Variants in ACOX3 observed in about 807,000 individuals in gnomAD.
ACOX3 encodes the protein peroxisomal acyl-coenzyme A oxidase 3.
ACOX3 carries 73 observed loss-of-function variants against 81.5 expected under a neutral mutation model. That is an observed-to-expected ratio of 0.90 (90% CI 0.74 to 1.09). The LOEUF (loss-of-function observed/expected upper bound fraction) is 1.09. ACOX3 is among the 50% of genes least tolerant of loss of function. ACOX3 has a pLI of 0.00. For synonymous variants in ACOX3, 387 were observed against 375.1 expected (o/e 1.03, Z -0.37); for missense variants, 947 against 928.0 (o/e 1.02, Z -0.27).
chr4:8,431,462 C>T lies in ACOX3; in HGVS notation c.-15+9186G>A, dbSNP rs1723948811. Among the ~76,000 whole-genome samples, 1 of 152,220 alleles carries T rather than the reference C, an allele frequency of 6.6e-6. No individual in the cohort carries two copies. The highest frequency in any genetic ancestry group is 1.5e-5 in the Non-Finnish European group (1 of 68,044). ...CCTGCATCTGACAGGGAACACGGGC[C>T]TCTCTGTGAGTCAGGGTGGTGGGGA... is the stretch of plus-strand genomic sequence containing the variant. On this transcript the variant is annotated intron_variant, in intron 1 of 17. Coordinates refer to ENST00000356406, the MANE Select transcript of ACOX3 (RefSeq NM_003501.3). This position sits in a 1 kb window ranked among gnomAD's most constrained non-coding sequence, Gnocchi z 5.3.
intron 17 of ACOX3, among the ~76,000 whole-genome samples, chr4:8,367,354 A>T (rs1184846074): frequency 6.6e-6 from 1 of 152,038 alleles, no homozygotes; most frequent in Non-Finnish European, 1.5e-5. Context: ...GTGGTGGTGC[A>T]TGCCTGTAAT....
At position 8,406,393 on chromosome 4, in the gene ACOX3, C is replaced by T. The variant is rs543418531; in HGVS notation, c.688-350G>A. ...GTGGAGACGGAGGCACAGAGTACAG[C>T]GCTGGGGCTGTAGGGATCAGCCCCA... On this transcript the variant is annotated intron_variant, in intron 6 of 17. Coordinates refer to ENST00000356406, the MANE Select transcript of ACOX3 (RefSeq NM_003501.3). This position sits in a 1 kb window ranked among gnomAD's most constrained non-coding sequence, Gnocchi z 5.6. Among the ~76,000 whole-genome samples the T allele has an allele frequency of 8.5e-5, 13 of 152,196 alleles. No individual in the cohort carries two copies. The highest frequency in any genetic ancestry group is 7.2e-4 in the Admixed American group (11 of 15,292).
intron 16 of ACOX3, among the ~76,000 whole-genome samples, chr4:8,373,285 T>C (rs3756188): frequency 0.57 from 86,837 of 151,686 alleles, 25,047 homozygotes; most frequent in Middle Eastern, 0.68. Context: ...TACTAAACAC[T>C]GAACACACGT....
At chr4:8,408,633 G>A (rs1379024381) in intron 6 of ACOX3, among the ~76,000 whole-genome samples, 1 of 152,152 alleles carries the variant, frequency 6.6e-6, no homozygotes, top group Admixed American at 6.5e-5. Context: ...AGGCACACTG[G>A]CCTCAGGTAA....
rs974096516 is a variant in ACOX3 at position 8,382,312 on chromosome 4, C to A, written c.1538-705G>T. ...TGGTGCCCACATCTGCGGGGCCCCC[C>A]ACAGCACAGCCAGAGCTGGCCTCCC... On this transcript the variant is annotated intron_variant, in intron 13 of 17. Coordinates refer to ENST00000356406, the MANE Select transcript of ACOX3 (RefSeq NM_003501.3). This position sits in a 1 kb window ranked among gnomAD's most constrained non-coding sequence, Gnocchi z 4.1. Among the ~76,000 whole-genome samples, 2 of 152,222 alleles carry A rather than the reference C, an allele frequency of 1.3e-5. No individual in the cohort carries two copies. Among genetic ancestry groups the A allele is most frequent in the Non-Finnish European group, 2.9e-5 (2 of 68,026 alleles).
rs760280739 is a variant in ACOX3 at position 8,392,392 on chromosome 4, G to C, written c.1241C>G (p.Thr414Ser). 6.2e-7 allele frequency: 1 copy of C among 1,609,410 alleles called. No individual in the cohort carries two copies. The highest frequency in any genetic ancestry group is 2.2e-5 in the East Asian group (1 of 44,488). Residue 414 changes from threonine (T) to serine (S), a missense_variant, in exon 11 of 18, where the codon ACC becomes AGC. Physicochemically the swap from Thr to Ser is moderately conservative, Grantham distance 58. Coordinates refer to ENST00000356406, the MANE Select transcript of ACOX3 (RefSeq NM_003501.3). ...GCATTCCTGAATTCCTTGCTGGGTG[G>C]TCCACGAGGCCAGGGGCTTGCTGGC... Reference protein sequence around the residue: ...ASASKPLASWTTQQGIQECRE... With the variant: ...ASASKPLASWSTQQGIQECRE...
chr4:8,404,989 G>T (rs1362027398), intron 7 of ACOX3, among the ~76,000 whole-genome samples: 1 of 152,116 alleles, frequency 6.6e-6, no homozygotes, highest in Non-Finnish European at 1.5e-5. Flanking sequence ...ATGGGCCAGT[G>T]GCCAGGAAGT....
At chr4:8,397,630 C>T (rs1000356628) in intron 8 of ACOX3, among the ~76,000 whole-genome samples, 2 of 152,214 alleles carry the variant, frequency 1.3e-5, no homozygotes, top group Non-Finnish European at 2.9e-5. Flanking sequence ...ACTATCTCCT[C>T]GCACGCATCA....
chr4:8,358,924 A>T, the ACOX3 span, among the ~76,000 whole-genome samples: 4 of 151,958 alleles, frequency 2.6e-5, no homozygotes, highest in Non-Finnish European at 5.9e-5. Flanking sequence ...CTTTCACTTC[A>T]TGAACTTGCA....
chr4:8,415,612 T>A (rs1329070434), intron 3 of ACOX3, among the ~76,000 whole-genome samples, 154 bp downstream of exon 3: 1 of 152,116 alleles, frequency 6.6e-6, no homozygotes, highest in Non-Finnish European at 1.5e-5. Flanking sequence ...GAAATTTTTT[T>A]AAAAACATTA....
chr4:8,414,778 T>C lies in ACOX3; in HGVS notation c.453+76A>G, dbSNP rs957934663. The stretch of plus-strand genomic sequence containing the variant: ...GCCCCCTGGGCACCCCCTTCTACAA[T>C]CTTCTCTTTTCACAAATCTCTACAG... On this transcript the variant is annotated intron_variant, in intron 4 of 17. Transcript: ENST00000356406. This position sits in a 1 kb window ranked among gnomAD's most constrained non-coding sequence, Gnocchi z 6.1. 6.8e-7 allele frequency: 1 copy of C among 1,481,030 alleles called. No individual in the cohort carries two copies. Among genetic ancestry groups the C allele is most frequent in the Non-Finnish European group, 9.4e-7 (1 of 1,059,802 alleles). 91.7% of individuals were successfully genotyped at this position (1,481,030 alleles called of 1,614,324 possible).
intron 9 of ACOX3, among the ~76,000 whole-genome samples, chr4:8,396,635 C>T (rs912037586): frequency 6.6e-6 from 1 of 150,508 alleles, no homozygotes; most frequent in Non-Finnish European, 1.5e-5. Context: ...CAAGATCATG[C>T]CCACTGCACT....
rs575538158 is a variant in ACOX3 at position 8,391,983 on chromosome 4, CTA to C, written c.1300+348_1300+349del. On this transcript the variant is annotated intron_variant, in intron 11 of 17. Transcript: ENST00000356406. ...AATGAGCAGATCAGCTGCTCTCTGCCTATATTTTGGCCAAGAAGCATCAGGCA... is the reference window on the plus strand; with the variant it reads ...AATGAGCAGATCAGCTGCTCTCTGCCTATTTTGGCCAAGAAGCATCAGGCA... Among the ~76,000 whole-genome samples the C allele has an allele frequency of 2.6e-3, 391 of 152,352 alleles. 2 individuals carry two copies. Among genetic ancestry groups the C allele is most frequent in the Non-Finnish European group, 4.1e-3 (279 of 68,036 alleles).
At chr4:8,361,455 A>AAAAAG (rs1715233374), downstream of ACOX3, among the ~76,000 whole-genome samples, 1 of 150,228 alleles carries the variant, frequency 6.7e-6, no homozygotes, top group Non-Finnish European at 1.5e-5. Context: ...AAAAAAAAAA[A>AAAAAG]AAGGATTGTT....
At chr4:8,440,416 C>A (rs750249080) in intron 1 of ACOX3, among the ~76,000 whole-genome samples, 1 of 152,236 alleles carries the variant, frequency 6.6e-6, no homozygotes, top group Admixed American at 6.5e-5. Flanking sequence ...TAGGAAGGCA[C>A]TGGCTGTAAT....
chr4:8,364,604 G>T (rs1715316382), downstream of ACOX3, among the ~76,000 whole-genome samples: 1 of 152,072 alleles, frequency 6.6e-6, no homozygotes, highest in Admixed American at 6.5e-5. This position sits in a 1 kb window ranked among gnomAD's most constrained non-coding sequence, Gnocchi z 5.0. Context: ...TCCTGCACGA[G>T]AACCTGTCGT....
At position 8,414,312 on chromosome 4, in the gene ACOX3, G is replaced by A; in HGVS notation, c.523C>T (p.His175Tyr). 6.2e-7 allele frequency: 1 copy of A among 1,614,004 alleles called. No homozygotes were observed. The highest frequency in any genetic ancestry group is 8.5e-7 in the Non-Finnish European group (1 of 1,179,916). ...SNTKAIRTTAHYDPATEEFII... is the reference protein window; with the variant it reads ...SNTKAIRTTAYYDPATEEFII... ...CCTACCTCAGTGGCAGGATCGTAGT[G>A]GGCAGTTGTGCGAATGGCCTTGGTA... Residue 175 changes from histidine (H) to tyrosine (Y), a missense_variant, in exon 5 of 18, where the codon CAC (histidine) becomes TAC (tyrosine). Physicochemically the swap from His to Tyr is moderately conservative, Grantham distance 83 (BLOSUM62 2). Coordinates refer to ENST00000356406, the MANE Select transcript of ACOX3 (RefSeq NM_003501.3). This position sits in a 1 kb window ranked among gnomAD's most constrained non-coding sequence, Gnocchi z 6.1.
Position 8,432,326 on chromosome 4 carries a change from C to T in ACOX3, c.-15+8322G>A, listed in dbSNP as rs747922176. ...TCGGCTCACTGCAAGCTCTGCCTCC[C>T]GGGTTCAAGCCATTCTCCTGCCTTA... On this transcript the variant is annotated intron_variant, in intron 1 of 17. Transcript: ENST00000356406. The surrounding 1 kb of genome is among the most constrained non-coding windows in gnomAD (Gnocchi z 6.2). Among the ~76,000 whole-genome samples the T allele has an allele frequency of 4.1e-4, 63 of 152,134 alleles. No homozygotes were observed. The highest frequency in any genetic ancestry group is 1.9e-3 in the South Asian group (9 of 4,804).
intron 1 of ACOX3, among the ~76,000 whole-genome samples, chr4:8,436,768 G>T (rs1462514177): frequency 6.6e-6 from 1 of 151,568 alleles, no homozygotes; most frequent in Non-Finnish European, 1.5e-5. Flanking sequence ...CAGATCAAGA[G>T]GTCAGGAGAT....
Sources: allele counts gnomAD v4.1 joint callset (sites outside exome capture counted in the v4.1 genomes callset), GRCh38; gene constraint gnomAD v4.1.1; non-coding constraint Gnocchi (gnomAD v3.1); transcripts MANE v1.5; gene names NCBI Gene and HGNC (gene_info 2026-07-23, HGNC 2026-07-21).